The following DIPK2B variants were observed in gnomAD, a reference collection of about 807,000 sequenced individuals.
DIPK2B encodes UPF0672 protein CXorf36.
A neutral mutation model predicts 22.2 loss-of-function variants in DIPK2B; 15 were observed. The ratio of observed to expected loss-of-function variants is 0.68; its 90% CI spans 0.45 to 1.04. The LOEUF is 1.04. Among genes scored for constraint, DIPK2B ranks in the 50% least tolerant of loss-of-function variants. DIPK2B has a pLI of 0.00. For synonymous variants in DIPK2B, 163 were observed against 153.2 expected, an observed-to-expected ratio of 1.06 and a Z score of -0.47; for missense variants, 345 against 348.3, an observed-to-expected ratio of 0.99 and a Z score of 0.08.
At chrX:45,194,891 T>A (rs1282092519) in intron 1 of DIPK2B, among the ~76,000 whole-genome samples, 1 of 111,935 alleles carries the variant, frequency 8.9e-6, no homozygotes, top group African/African-American at 3.3e-5. Flanking sequence ...TTTCTTGCCC[T>A]GTGAGACAAG....
chrX:45,175,258 T>C (rs890851647), intron 2 of DIPK2B, among the ~76,000 whole-genome samples: 2 of 111,451 alleles, frequency 1.8e-5, no homozygotes, highest in East Asian at 5.6e-4. Flanking sequence ...CAAAAAGATG[T>C]TCATCAAAGC....
intron 2 of DIPK2B, among the ~76,000 whole-genome samples, chrX:45,176,577 C>T (rs185802073): frequency 1.8e-5 from 2 of 112,000 alleles, no homozygotes; most frequent in Non-Finnish European, 3.8e-5. Flanking sequence ...CATGTTGGGG[C>T]TCTAGATGCA....
chrX:45,187,795 A>AT (rs1409855084), intron 2 of DIPK2B, among the ~76,000 whole-genome samples: 1 of 110,019 alleles, frequency 9.1e-6, no homozygotes, highest in Non-Finnish European at 1.9e-5. Flanking sequence ...TATTTCTTTG[A>AT]TTTTTTTTCT....
At chrX:45,160,818 T>C (rs750750420) in intron 2 of DIPK2B, among the ~76,000 whole-genome samples, 2 of 111,961 alleles carry the variant, frequency 1.8e-5, no homozygotes, top group Non-Finnish European at 3.8e-5. Context: ...GATACGCATT[T>C]TATGCTCAGC....
rs146742088 is a variant in DIPK2B at position 45,175,876 on chromosome X, T to C, written c.498+15875A>G. Among the ~76,000 whole-genome samples, 542 of 107,390 alleles carry C rather than the reference T, an allele frequency of 5.0e-3. 1 individual carries two copies. The highest frequency in any genetic ancestry group is 0.017 in the African/African-American group (513 of 29,491). 93.3% of individuals were successfully genotyped at this position (107,390 alleles called of 115,157 possible). On this transcript the variant is annotated intron_variant, in intron 2 of 4. Transcript: ENST00000398000. ...GGGTAGCAGGTGGCCAGGTTAAGCA[T>C]GCATTTGAGAAATGAAAGGTGAGAA...
chrX:45,152,517 A>G (rs1433193500), intron 4 of DIPK2B, among the ~76,000 whole-genome samples: 1 of 111,384 alleles, frequency 9.0e-6, no homozygotes, highest in Non-Finnish European at 1.9e-5. Context: ...AAACCCACTT[A>G]CCCCTACCAG....
intron 2 of DIPK2B, among the ~76,000 whole-genome samples, chrX:45,190,347 A>G (rs1416425827): frequency 1.8e-5 from 2 of 111,750 alleles, no homozygotes; most frequent in African/African-American, 6.5e-5. Context: ...CCCTCTTCCC[A>G]CCTCAGTTTT....
intron 2 of DIPK2B, among the ~76,000 whole-genome samples, chrX:45,170,753 C>G (rs182439791): frequency 8.9e-6 from 1 of 112,548 alleles, no homozygotes; most frequent in Admixed American, 9.4e-5. Context: ...GATGGCTTTT[C>G]TAGTGACACA....
At chrX:45,187,632 A>C (rs749125648) in intron 2 of DIPK2B, among the ~76,000 whole-genome samples, 1 of 111,675 alleles carries the variant, frequency 9.0e-6, no homozygotes, top group South Asian at 3.8e-4. Flanking sequence ...TTGGCCCTGC[A>C]GGAGGGGAGC....
intron 2 of DIPK2B, among the ~76,000 whole-genome samples, chrX:45,161,149 G>A (rs1382232990): frequency 8.9e-6 from 1 of 112,668 alleles, no homozygotes; most frequent in African/African-American, 3.2e-5. Context: ...ACTAAGGGCT[G>A]TGAAGCAGCA....
rs1010460436 is a variant in DIPK2B at position 45,150,751 on chromosome X, C to G, written c.*901G>C. 2 of 111,614 alleles carry G rather than the reference C, an allele frequency of 1.8e-5. No homozygotes were observed. Among genetic ancestry groups the G allele is most frequent in the African/African-American group, 6.5e-5 (2 of 30,598 alleles). The allele number at this position is 111,614 out of a possible 1,213,427, so 9.2% of individuals were successfully genotyped here. Reference sequence around the variant, plus strand: ...ACCCTGACAGCCTTGCTGAACCTTTCTTTGATTTTGAGCTTAGCAAGCTCC... The same window carrying G: ...ACCCTGACAGCCTTGCTGAACCTTTGTTTGATTTTGAGCTTAGCAAGCTCC... On this transcript the variant is annotated 3_prime_UTR_variant, in exon 5 of 5. Transcript: ENST00000398000.
intron 1 of DIPK2B, among the ~76,000 whole-genome samples, chrX:45,197,781 T>C (rs1246080537): frequency 8.9e-6 from 1 of 111,933 alleles, no homozygotes; most frequent in Non-Finnish European, 1.9e-5. Flanking sequence ...TTTAGATATA[T>C]ATATCTCCTT....
chrX:45,183,293 G>A (rs2047164705), intron 2 of DIPK2B: 1 of 111,687 alleles, frequency 9.0e-6, no homozygotes, highest in Non-Finnish European at 1.9e-5. Context: ...GCAAAATGTG[G>A]TAAACAGGAA....
intron 1 of DIPK2B, among the ~76,000 whole-genome samples, chrX:45,194,000 C>T (rs906194825): frequency 2.7e-5 from 3 of 110,555 alleles, no homozygotes; most frequent in Non-Finnish European, 5.7e-5. Flanking sequence ...AAGAGTAACA[C>T]GCATTTGTGA....
chrX:45,186,493 GTCATT>G (rs1483367236), intron 2 of DIPK2B, among the ~76,000 whole-genome samples: 1 of 111,870 alleles, frequency 8.9e-6, no homozygotes, highest in African/African-American at 3.3e-5. Flanking sequence ...TCCACTAATA[GTCATT>G]TCATCTTTGA....
rs768330800 is a variant in DIPK2B at position 45,191,998 on chromosome X, G to A, written c.251C>T (p.Ala84Val). ...KEEIRSDNWLASHLGLPPDSL... is the reference protein window; with the variant it reads ...KEEIRSDNWLVSHLGLPPDSL... ...ATCGGGAGGCAGTCCAAGGTGGGAAGCCAGCCAGTTGTCAGATCTGTTGGA... is the reference window on the plus strand; with the variant it reads ...ATCGGGAGGCAGTCCAAGGTGGGAAACCAGCCAGTTGTCAGATCTGTTGGA... Residue 84 changes from alanine to valine, a missense_variant, in exon 2 of 5, where the codon GCT (alanine) becomes GTT (valine). Ala to Val is a moderately conservative substitution (Grantham distance 64, BLOSUM62 0). Transcript: ENST00000398000. 2.5e-6 allele frequency: 3 copies of A among 1,208,066 alleles called. No homozygotes were observed. In the African/African-American group the frequency reaches 5.2e-5, roughly 21 times the overall value.
intron 2 of DIPK2B, among the ~76,000 whole-genome samples, chrX:45,170,941 AT>A (rs1443556404): frequency 8.9e-6 from 1 of 111,877 alleles, no homozygotes; most frequent in African/African-American, 3.3e-5. Flanking sequence ...TGCAATGAGA[AT>A]TCTCTGTGCC....
At chrX:45,184,355 C>T (rs763051858) in intron 2 of DIPK2B, among the ~76,000 whole-genome samples, 83 of 111,768 alleles carry the variant, frequency 7.4e-4, no homozygotes, top group African/African-American at 2.6e-3. Flanking sequence ...CTGTATGATA[C>T]GGTAGATGAC....
chrX:45,160,147 C>T (rs1426864205), intron 2 of DIPK2B, among the ~76,000 whole-genome samples: 1 of 110,054 alleles, frequency 9.1e-6, no homozygotes, highest in South Asian at 3.9e-4. Flanking sequence ...CCTGTACAAC[C>T]TGAAGAACTG....
Sources: allele counts gnomAD v4.1 joint callset (sites outside exome capture counted in the v4.1 genomes callset), GRCh38; gene constraint gnomAD v4.1.1; transcripts MANE v1.5; gene names NCBI Gene and HGNC (gene_info 2026-07-23, HGNC 2026-07-21).